The following PBX4 variants were observed in gnomAD, a reference collection of about 807,000 sequenced individuals.
The protein encoded by PBX4 is PBX homeobox 4.
Under a neutral mutation model 35.1 loss-of-function variants are expected in PBX4, and 26 were observed. That is an observed-to-expected ratio of 0.74 (90% confidence interval 0.54 to 1.03). The LOEUF (loss-of-function observed/expected upper bound fraction) is 1.03. Among genes scored for constraint, PBX4 ranks in the 50% least tolerant of loss-of-function variants. The probability of loss-of-function intolerance (pLI) is 0.00; values close to 1 mark genes in which losing one functional copy is unlikely to be tolerated. For synonymous variants in PBX4, 199 were observed against 204.2 expected (o/e 0.97, Z 0.22); for missense variants, 448 against 504.3 (o/e 0.89, Z 1.07).
At chr19:19,605,609 G>C (rs2061626198) in intron 1 of PBX4, among the ~76,000 whole-genome samples, 1 of 151,670 alleles carries the variant, frequency 6.6e-6, no homozygotes. Flanking sequence ...CTGGGCGACA[G>C]AGTGAGACCC....
At chr19:19,575,809 G>A (rs972962939) in intron 2 of PBX4, among the ~76,000 whole-genome samples, 4 of 152,136 alleles carry the variant, frequency 2.6e-5, no homozygotes, top group African/African-American at 9.7e-5. Flanking sequence ...ACGTGCCCCT[G>A]AATCTTGTTC....
chr19:19,588,411 A>C, intron 2 of PBX4: 4 of 1,330,650 alleles, frequency 3.0e-6, no homozygotes, highest in Non-Finnish European at 4.3e-6. Flanking sequence ...GATGATGTTT[A>C]GCCATAGTTC....
Position 19,618,638 on chromosome 19 carries a change from G to A in PBX4, c.-9C>T. 1 of 1,215,242 alleles carries A rather than the reference G, an allele frequency of 8.2e-7. No homozygotes were observed. 75.3% of individuals were successfully genotyped at this position (1,215,242 alleles called of 1,614,324 possible). A position where few individuals can be genotyped will look rare whatever the true frequency, so the allele number is the denominator to read the frequency against. On this transcript the variant is annotated 5_prime_UTR_variant, in exon 1 of 8. Transcript: ENST00000251203. ...CGCGGCGGGGCGGCCATGAGCGGCAGGGCCGGGCGGGCGCTGTGAGGGTGC... is the reference window on the plus strand; with the variant it reads ...CGCGGCGGGGCGGCCATGAGCGGCAAGGCCGGGCGGGCGCTGTGAGGGTGC...
intron 1 of PBX4, among the ~76,000 whole-genome samples, chr19:19,607,699 C>T (rs1347274187): frequency 2.0e-5 from 3 of 152,212 alleles, no homozygotes; most frequent in Admixed American, 1.3e-4. Context: ...ACATAATCCA[C>T]ATTCTGGTAT....
At chr19:19,565,257 C>T (rs1006429367) in intron 5 of PBX4, among the ~76,000 whole-genome samples, 168 bp from the exon 6 acceptor site, 1 of 152,208 alleles carries the variant, frequency 6.6e-6, no homozygotes, top group Non-Finnish European at 1.5e-5. Context: ...CTCTGAACCA[C>T]GGACCCAGGG....
chr19:19,608,908 C>T (rs1199034337), intron 1 of PBX4, among the ~76,000 whole-genome samples: 4 of 152,198 alleles, frequency 2.6e-5, no homozygotes, highest in Admixed American at 2.6e-4. Flanking sequence ...CCAATGTCTG[C>T]CTCTCCAAAT....
Position 19,570,737 on chromosome 19 carries a change from T to C in PBX4, c.290A>G (p.Glu97Gly). ...MLLAEGVCRP[E>G]KRGRGGAVAR... ...CACCGCTCCTCCTCTTCCTCTCTTC[T>C]CGGGCCTGCACACGCCCTCAGCCAG... Residue 97 changes from glutamate to glycine, a missense_variant, in exon 3 of 8, where the codon GAG becomes GGG. Transcript: ENST00000251203. 1 of 1,614,092 alleles carries C rather than the reference T, an allele frequency of 6.2e-7. No homozygotes were observed. Among genetic ancestry groups the C allele is most frequent in the Non-Finnish European group, 8.5e-7 (1 of 1,180,012 alleles).
At chr19:19,598,672 T>G (rs2144768806) in intron 2 of PBX4, among the ~76,000 whole-genome samples, 1 of 152,284 alleles carries the variant, frequency 6.6e-6, no homozygotes, top group East Asian at 1.9e-4. Context: ...TAAGCACCTC[T>G]TAGGTCTTCG....
chr19:19,618,589 G>T lies in PBX4; in HGVS notation c.41C>A (p.Pro14Gln). Residue 14 changes from proline (P) to glutamine (Q), a missense_variant, in exon 1 of 8, where the codon CCG (proline) becomes CAG (glutamine). Physicochemically the swap from Pro to Gln is moderately conservative, Grantham distance 76 (BLOSUM62 -1). Transcript: ENST00000251203. Reference sequence around the variant, plus strand: ...GACGTCGCTCGTGTCGAGGCGCCGCGGGGCGGGGGGCGATGGCGCGGGGCG... The same window carrying T: ...GACGTCGCTCGTGTCGAGGCGCCGCTGGGCGGGGGGCGATGGCGCGGGGCG... ...PPRPAPSPPA[P>Q]RRLDTSDVLQ... is the part of the protein sequence containing the mutation. 1 of 1,294,748 alleles carries T rather than the reference G, an allele frequency of 7.7e-7. No individual in the cohort carries two copies. Among genetic ancestry groups the T allele is most frequent in the Non-Finnish European group, 9.8e-7 (1 of 1,019,052 alleles). 80.2% of individuals were successfully genotyped at this position (1,294,748 alleles called of 1,614,324 possible).
At chr19:19,599,262 C>G (rs761197938) in intron 2 of PBX4, 30 bp downstream of exon 2, 2 of 1,585,034 alleles carry the variant, frequency 1.3e-6, no homozygotes, top group Non-Finnish European at 1.7e-6. Context: ...CCACCACGCT[C>G]GGCCAGAAAG....
intron 2 of PBX4, among the ~76,000 whole-genome samples, chr19:19,592,991 G>A (rs147777103): frequency 0.015 from 2,299 of 152,286 alleles, 79 homozygotes; most frequent in South Asian, 0.077. Flanking sequence ...TCTGTAAAAC[G>A]GGAGAAAAGG....
chr19:19,566,491 A>G (rs2061342644), intron 5 of PBX4, among the ~76,000 whole-genome samples: 1 of 152,190 alleles, frequency 6.6e-6, no homozygotes, highest in East Asian at 1.9e-4. Context: ...ACACACAGAA[A>G]TGAAACAGCT....
intron 1 of PBX4, among the ~76,000 whole-genome samples, chr19:19,613,685 T>A (rs1599385097): frequency 3.3e-5 from 5 of 152,192 alleles, no homozygotes; most frequent in African/African-American, 1.2e-4. Flanking sequence ...GCCTCTGCGG[T>A]GACATTCCTG....
At chr19:19,605,464 T>C (rs1164787853) in intron 1 of PBX4, among the ~76,000 whole-genome samples, 1 of 139,758 alleles carries the variant, frequency 7.2e-6, no homozygotes, top group Non-Finnish European at 1.6e-5. Context: ...ATAATAATAA[T>C]ACAAAAAGTA....
chr19:19,618,413 G>C (rs1375908379), intron 1 of PBX4, 98 bp downstream of exon 1: 1 of 1,140,004 alleles, frequency 8.8e-7, no homozygotes, highest in African/African-American at 1.6e-5. Flanking sequence ...CCCTCCTCAA[G>C]CGCCCCTCGT....
chr19:19,562,386 C>T lies in PBX4; in HGVS notation c.1033-269G>A, dbSNP rs2061312749. The stretch of plus-strand genomic sequence containing the variant: ...CCCTGGGGCTTAGGCAAAGGACTGA[C>T]TGGCATCGGGTACAACAAGGGCTCC... On this transcript the variant is annotated intron_variant, in intron 7 of 7. Coordinates refer to ENST00000251203, the MANE Select transcript of PBX4 (RefSeq NM_025245.3). The surrounding 1 kb of genome is among the most constrained non-coding windows in gnomAD (Gnocchi z 4.8). 1.3e-5 allele frequency among the ~76,000 whole-genome samples: 2 copies of T among 152,278 alleles called. No individual in the cohort carries two copies. The highest frequency in any genetic ancestry group is 2.1e-4 in the South Asian group (1 of 4,826).
At chr19:19,567,363 G>A (rs767661203) in intron 5 of PBX4, among the ~76,000 whole-genome samples, 3 of 152,196 alleles carry the variant, frequency 2.0e-5, no homozygotes, top group African/African-American at 2.4e-5. Context: ...GCGTGACCCC[G>A]AGGGGTTCCA....
chr19:19,596,647 C>T (rs2061562859), intron 2 of PBX4, among the ~76,000 whole-genome samples: 1 of 152,086 alleles, frequency 6.6e-6, no homozygotes, highest in Non-Finnish European at 1.5e-5. Flanking sequence ...AGAGGCAGAA[C>T]AGAATATGAG....
Position 19,618,569 on chromosome 19 carries a change from C to T in PBX4, c.61G>A (p.Asp21Asn), listed in dbSNP as rs758112937. The T allele has an allele frequency of 9.5e-6, 13 of 1,365,372 alleles. No individual in the cohort carries two copies. The highest frequency in any genetic ancestry group is 1.0e-5 in the Non-Finnish European group (11 of 1,052,510). 84.6% of individuals were successfully genotyped at this position (1,365,372 alleles called of 1,614,324 possible). Residue 21 changes from aspartate to asparagine, a missense_variant, in exon 1 of 8, where the codon GAC becomes AAC. Transcript: ENST00000251203. ...PPAPRRLDTS[D>N]VLQQIMAITD... ...ATGGCCATGATCTGCTGCAGGACGT[C>T]GCTCGTGTCGAGGCGCCGCGGGGCG...
Sources: gnomAD v4.1 joint callset for allele counts (sites outside exome capture counted in the v4.1 genomes callset) on GRCh38, gnomAD v4.1.1 for gene constraint, Gnocchi (gnomAD v3.1) non-coding constraint, MANE v1.5 for transcripts, NCBI Gene and HGNC (gene_info 2026-07-23, HGNC 2026-07-21) for gene names.